The following BTG4 variants were observed in gnomAD, a reference collection of about 807,000 sequenced individuals.
BTG4 encodes BTG anti-proliferation factor 4.
BTG4 carries 10 observed loss-of-function variants against 19.3 expected under a neutral mutation model. The ratio of observed to expected loss-of-function variants is 0.52; its 90% CI spans 0.32 to 0.88. The LOEUF (loss-of-function observed/expected upper bound fraction) is 0.88. Among genes scored for constraint, BTG4 ranks in the 40% least tolerant of loss-of-function variants. The probability of loss-of-function intolerance (pLI) is 0.04; values close to 1 mark genes in which losing one functional copy is unlikely to be tolerated. For missense variants in BTG4, 238 were observed against 281.9 expected, an observed-to-expected ratio of 0.84 and a Z score of 1.11; for synonymous variants, 91 against 95.7, an observed-to-expected ratio of 0.95 and a Z score of 0.29.
downstream of BTG4, among the ~76,000 whole-genome samples, chr11:111,493,354 A>G (rs940310650): frequency 6.6e-6 from 1 of 152,234 alleles, no homozygotes; most frequent in African/African-American, 2.4e-5. Context: ...GACTGTTGCA[A>G]TAATCAGGTA....
At chr11:111,481,830 G>C (rs1475410783) in intron 5 of BTG4, among the ~76,000 whole-genome samples, 1 of 151,720 alleles carries the variant, frequency 6.6e-6, no homozygotes, top group Non-Finnish European at 1.5e-5. Context: ...TCCTCAATTT[G>C]ATTTTTTTAA....
the BTG4 span, among the ~76,000 whole-genome samples, chr11:111,426,441 G>C: frequency 6.6e-6 from 1 of 152,228 alleles, no homozygotes; most frequent in Non-Finnish European, 1.5e-5. Context: ...ACAATAGAGA[G>C]AATGTACTGC....
intron 4 of BTG4, 40 bp from the exon 5 acceptor site, chr11:111,495,354 G>A: frequency 1.3e-6 from 2 of 1,537,980 alleles, no homozygotes; most frequent in Non-Finnish European, 1.8e-6. Context: ...TAAGCTAGCT[G>A]TAAGGACTAA....
Position 111,506,344 on chromosome 11 carries a change from G to A in BTG4, c.-27+5837C>T, listed in dbSNP as rs147344891. Among the ~76,000 whole-genome samples the A allele has an allele frequency of 1.3e-4, 20 of 152,216 alleles. 1 individual carries two copies. The highest frequency in any genetic ancestry group is 4.8e-4 in the African/African-American group (20 of 41,554). ...TGTCCTTTGCAGCAACATGGATGGA[G>A]CTGGAGGCCATTACCCAAAGTCAAC... is the stretch of plus-strand genomic sequence containing the variant. On this transcript the variant is annotated intron_variant, in intron 1 of 4. Transcript: ENST00000692032.
At chr11:111,425,396 T>A in the BTG4 span, among the ~76,000 whole-genome samples, 1 of 151,958 alleles carries the variant, frequency 6.6e-6, no homozygotes. Context: ...CCTCCAAGGA[T>A]ACAGTCGAAA....
At chr11:111,474,277 T>C (rs1864266632) in intron 5 of BTG4, among the ~76,000 whole-genome samples, 1 of 152,176 alleles carries the variant, frequency 6.6e-6, no homozygotes, top group South Asian at 2.1e-4. Context: ...TACTCCCATA[T>C]AACCAGCCCC....
the BTG4 span, among the ~76,000 whole-genome samples, chr11:111,435,553 A>G: frequency 4.6e-5 from 7 of 152,170 alleles, no homozygotes; most frequent in Non-Finnish European, 8.8e-5. Flanking sequence ...TCTTTGGCTG[A>G]GTAACATAAT....
chr11:111,468,904 G>A (rs1323354327), intron 5 of BTG4, among the ~76,000 whole-genome samples: 1 of 152,218 alleles, frequency 6.6e-6, no homozygotes, highest in African/African-American at 2.4e-5. Flanking sequence ...TAAGGAAACA[G>A]TGATTGGAGG....
downstream of BTG4, among the ~76,000 whole-genome samples, chr11:111,494,363 TAAC>T (rs1174862089): frequency 1.3e-5 from 2 of 152,194 alleles, no homozygotes; most frequent in African/African-American, 4.8e-5. Context: ...GGGAATTTTC[TAAC>T]AACTAGAGAC....
At chr11:111,466,128 T>C (rs1276216026), downstream of BTG4, among the ~76,000 whole-genome samples, 1 of 152,152 alleles carries the variant, frequency 6.6e-6, no homozygotes, top group Non-Finnish European at 1.5e-5. Context: ...TAGAAGGTTA[T>C]TAATTACTTT....
chr11:111,454,403 C>T, the BTG4 span: 1 of 432,940 alleles, frequency 2.3e-6, no homozygotes, highest in African/African-American at 2.1e-5. Flanking sequence ...ACTGGAGGAA[C>T]ATGTGGGGCT....
chr11:111,502,076 T>C (rs1364845388), intron 1 of BTG4, among the ~76,000 whole-genome samples: 1 of 152,160 alleles, frequency 6.6e-6, no homozygotes, highest in Non-Finnish European at 1.5e-5. Flanking sequence ...CTGTTGCACT[T>C]TGGAATCACC....
At chr11:111,486,812 T>A (rs184672664) in intron 5 of BTG4, among the ~76,000 whole-genome samples, 123 of 152,340 alleles carry the variant, frequency 8.1e-4, no homozygotes, top group Admixed American at 1.4e-3. Flanking sequence ...TTGATTTTTT[T>A]AAATATTTAA....
Position 111,498,621 on chromosome 11 carries a change from A to G in BTG4, c.156T>C (p.Ser52=). The G allele has an allele frequency of 6.2e-7, 1 of 1,612,896 alleles. No individual in the cohort carries two copies. Among genetic ancestry groups the G allele is most frequent in the Non-Finnish European group, 8.5e-7 (1 of 1,179,616 alleles). The change falls in exon 2 of 5, where the codon TCT becomes TCC. Residue 52 remains serine, a synonymous_variant. Coordinates refer to ENST00000692032, the MANE Select transcript of BTG4 (RefSeq NM_001367975.1). ...GCTCTCACCTGAAGGCTTGCCCTTT[A>G]GAAGGGCAATCAGAGTGCCAGTGAC... is the stretch of plus-strand genomic sequence containing the variant. ...YRSHWHSDCP[S]KGQAFRCIRI...
downstream of BTG4, chr11:111,494,732 C>A (rs544863108): frequency 3.3e-6 from 1 of 303,284 alleles, no homozygotes; most frequent in African/African-American, 2.3e-5. Flanking sequence ...TTGTGACCAG[C>A]CTTTACAAAG....
intron 5 of BTG4, among the ~76,000 whole-genome samples, chr11:111,489,720 G>A (rs1174682296): frequency 3.2e-4 from 49 of 152,006 alleles, no homozygotes; most frequent in Admixed American, 3.2e-3. Context: ...TGGAACTAGA[G>A]GACATTAAGT....
chr11:111,447,732 T>C, the BTG4 span, among the ~76,000 whole-genome samples: 1 of 152,112 alleles, frequency 6.6e-6, no homozygotes, highest in South Asian at 2.1e-4. Context: ...GACACTTAAG[T>C]TGTCTGGGCC....
At chr11:111,404,715 T>C in the BTG4 span, 4 of 455,364 alleles carry the variant, frequency 8.8e-6, no homozygotes, top group Non-Finnish European at 1.8e-5. Flanking sequence ...TTTCTTGGAA[T>C]TGTTTCCCTA....
the BTG4 span, chr11:111,448,328 G>A: frequency 6.6e-6 from 1 of 152,474 alleles, no homozygotes; most frequent in African/African-American, 2.4e-5. Context: ...GGGCTCAGAA[G>A]CCCCCTAATG....
Sources: gnomAD v4.1 joint callset for allele counts (sites outside exome capture counted in the v4.1 genomes callset) on GRCh38, gnomAD v4.1.1 for gene constraint, MANE v1.5 for transcripts, NCBI Gene and HGNC (gene_info 2026-07-23, HGNC 2026-07-21) for gene names.